AHNAK2: variants seen among roughly 807,000 people sequenced by gnomAD.
The protein encoded by AHNAK2 is protein AHNAK2.
In AHNAK2, 18 loss-of-function variants were observed where a neutral mutation model predicts 30.7. The observed-to-expected ratio is 0.59, with a 90% CI of 0.41 to 0.87. AHNAK2 has a LOEUF of 0.87. Among genes scored for constraint, AHNAK2 ranks in the 40% least tolerant of loss-of-function variants. AHNAK2 has a pLI of 0.00. For synonymous variants in AHNAK2, 3,590 were observed against 3,073.8 expected, an observed-to-expected ratio of 1.17 and a Z score of -5.56; for missense variants, 8,604 against 7,373.0, an observed-to-expected ratio of 1.17 and a Z score of -6.11.
rs199542803 is a variant in AHNAK2, at chr14:104,948,916, A to G, written c.6535T>C (p.Ser2179Pro). 662 of 1,592,392 alleles carry G rather than the reference A, an allele frequency of 4.2e-4. 26 individuals are homozygous for G. In the East Asian group the frequency reaches 4.3e-3, roughly 10 times the overall value. ...GKSIEASVDV[S>P]PPKVEADMSL... is the part of the protein sequence containing the mutation. ...ATGTCGGCCTCCACCTTGGGTGGAG[A>G]CACATCCACCGAGGCCTCGATGGAC... The change falls in exon 7 of 7, where the codon TCT (serine) becomes CCT (proline). Residue 2179 changes from serine (S) to proline (P), a missense_variant. By Grantham distance (74) the Ser-to-Pro change is moderately conservative (BLOSUM62 -1). Coordinates refer to ENST00000333244, the MANE Select transcript of AHNAK2 (RefSeq NM_138420.4).
chr14:104,946,413 C>T lies in AHNAK2; in HGVS notation c.9038G>A (p.Ser3013Asn). Reference sequence around the variant, plus strand: ...CAGGTCCCCCTGCATGGAGGGGAGGCTCACTTCGGCCTCCACCTTCGGCGC... The same window carrying T: ...CAGGTCCCCCTGCATGGAGGGGAGGTTCACTTCGGCCTCCACCTTCGGCGC... ...VSAPKVEAEV[S>N]LPSMQGDLKT... is the part of the protein sequence containing the mutation. The change falls in exon 7 of 7, where the codon AGC becomes AAC. Residue 3013 changes from serine (S) to asparagine (N), a missense_variant. By Grantham distance (46) the Ser-to-Asn change is conservative. Coordinates refer to ENST00000333244, the MANE Select transcript of AHNAK2 (RefSeq NM_138420.4). 6.2e-7 allele frequency: 1 copy of T among 1,612,774 alleles called. No homozygotes were observed. The highest frequency in any genetic ancestry group is 1.7e-5 in the Admixed American group (1 of 59,936).
chr14:104,937,951 T>G lies in AHNAK2; in HGVS notation c.*112A>C. ...CATTTCTGCTCTGTTCTCCGTTCTGTGAAGTGAGGTGGATGTAATGTGCTG... is the reference window on the plus strand; with the variant it reads ...CATTTCTGCTCTGTTCTCCGTTCTGGGAAGTGAGGTGGATGTAATGTGCTG... On this transcript the variant is annotated 3_prime_UTR_variant, in exon 7 of 7. Transcript: ENST00000333244. 8.7e-7 allele frequency: 1 copy of G among 1,154,154 alleles called. No homozygotes were observed. The highest frequency in any genetic ancestry group is 2.5e-5 in the Admixed American group (1 of 40,524). The allele number at this position is 1,154,154 out of a possible 1,614,324, so 71.5% of individuals were successfully genotyped here. A position where few individuals can be genotyped will look rare whatever the true frequency, so the allele number is the denominator to read the frequency against.
At chr14:104,955,193 C>A in intron 5 of AHNAK2, 52 bp from the exon 6 acceptor site, 1 of 1,553,008 alleles carries the variant, frequency 6.4e-7, no homozygotes, top group Non-Finnish European at 8.7e-7. Flanking sequence ...GAGACGGGGT[C>A]TGCTGTCTTG....
In AHNAK2 at chr14:104,949,180, C is replaced by T. The variant is rs546195859; in HGVS notation, c.6271G>A (p.Val2091Met). 9.8e-5 allele frequency: 104 copies of T among 1,066,434 alleles called. 39 individuals are homozygous for T. The highest frequency in any genetic ancestry group is 5.4e-4 in the Middle Eastern group (2 of 3,698). 66.1% of individuals were successfully genotyped at this position (1,066,434 alleles called of 1,614,324 possible). ...TCCAGTTTGGGGCCCTTGATGTCCA[C>T]CTGGGGGCCCTTGAGGTCCACTTTG... is the stretch of plus-strand genomic sequence containing the variant. ...MPKVDLKGPQVDIKGPKLDLK... is the reference protein window; with the variant it reads ...MPKVDLKGPQMDIKGPKLDLK... The change falls in exon 7 of 7, where the codon GTG (valine) becomes ATG (methionine). Residue 2091 changes from valine to methionine, a missense_variant. By Grantham distance (21) the Val-to-Met change is conservative. Transcript: ENST00000333244.
At position 104,938,291 on chromosome 14, in the gene AHNAK2, C is replaced by T; in HGVS notation, c.17160G>A (p.Glu5720=). ...KKSKSTEDGA[E]LEEQKLQEET... is the part of the protein sequence containing the mutation. ...CTTCTTGAAGTTTTTGTTCTTCCAG[C>T]TCTGCCCCATCTTCGGTGCTTTTGC... Residue 5720 remains glutamate (E), a synonymous_variant, in exon 7 of 7, where the codon GAG becomes GAA. Coordinates refer to ENST00000333244, the MANE Select transcript of AHNAK2 (RefSeq NM_138420.4). 1.9e-6 allele frequency: 3 copies of T among 1,613,958 alleles called. No homozygotes were observed. The highest frequency in any genetic ancestry group is 2.5e-6 in the Non-Finnish European group (3 of 1,179,900).
rs113224666 is a variant in AHNAK2, at chr14:104,945,422, G to A, written c.10029C>T (p.Ser3343=). Residue 3343 remains serine (S), a synonymous_variant, in exon 7 of 7, where the codon AGC becomes AGT. Transcript: ENST00000333244. The part of the protein sequence containing the change: ...VSAPKAEADV[S]LPSMQGDLKT... ...TGAGGTCCCCCTGCATGGAGGGGAG[G>A]CTCACGTCGGCCTCCGCCTTCGGCG... 2.0e-5 allele frequency: 32 copies of A among 1,613,242 alleles called. No individual in the cohort carries two copies. In the African/African-American group the frequency reaches 3.2e-4, roughly 16 times the overall value.
In AHNAK2 at chr14:104,942,953, G is replaced by T; in HGVS notation, c.12498C>A (p.Asp4166Glu). 1.9e-6 allele frequency: 3 copies of T among 1,613,216 alleles called. No homozygotes were observed. The highest frequency in any genetic ancestry group is 1.7e-6 in the Non-Finnish European group (2 of 1,179,648). ...CCCCCTGCATGGAGGGGAGGCTCAC[G>T]TCGGCTTTCGCCTTCAGCTCAGACA... is the stretch of plus-strand genomic sequence containing the variant. ...VDVSELKAKA[D>E]VSLPSMQGDL... is the part of the protein sequence containing the mutation. Residue 4166 changes from aspartate to glutamate, a missense_variant, in exon 7 of 7, where the codon GAC becomes GAA. Physicochemically the swap from Asp to Glu is conservative, Grantham distance 45. Transcript: ENST00000333244.
At position 104,954,577 on chromosome 14, in the gene AHNAK2, C is replaced by T; in HGVS notation, c.874G>A (p.Asp292Asn). ...SEAYEPRDAH[D>N]VSPTSTDTEA... ...GTGTCTGTGCTTGTAGGGGACACGT[C>T]ATGTGCGTCCCTAGGTTCGTAGGCC... The change falls in exon 7 of 7, where the codon GAC (aspartate) becomes AAC (asparagine). Residue 292 changes from aspartate to asparagine, a missense_variant. Physicochemically the swap from Asp to Asn is conservative, Grantham distance 23 (BLOSUM62 1). Coordinates refer to ENST00000333244, the MANE Select transcript of AHNAK2 (RefSeq NM_138420.4). The surrounding 1 kb of genome is among the most constrained non-coding windows in gnomAD (Gnocchi z 4.3). 1 of 1,609,048 alleles carries T rather than the reference C, an allele frequency of 6.2e-7. No individual in the cohort carries two copies. Among genetic ancestry groups the T allele is most frequent in the Non-Finnish European group, 8.5e-7 (1 of 1,177,668 alleles).
At chr14:104,959,140 G>T (rs1407501562) in intron 1 of AHNAK2, among the ~76,000 whole-genome samples, 1 of 152,122 alleles carries the variant, frequency 6.6e-6, no homozygotes, top group Non-Finnish European at 1.5e-5. Flanking sequence ...CTCAAGGCCA[G>T]CCTGAGCAAT....
chr14:104,950,906 TGA>T lies in AHNAK2; in HGVS notation c.4543_4544del (p.Val1516GlyfsTer24), dbSNP rs755269081. On this transcript the variant is annotated frameshift_variant, in exon 7 of 7. Transcript: ENST00000333244. LOFTEE classifies it low-confidence loss of function (END_TRUNC). ...CCACCTTCGGCGCAGACACATCCAC[TGA>T]GGCCTCGATGGACTTGCCTGGGGCA... is the stretch of plus-strand genomic sequence containing the variant. Reference protein sequence around the residue: ...VSAPGKSIEASVDVSAPKVEA... With the variant: ...VSAPGKSIEAXVDVSAPKVEA... 41 of 1,530,816 alleles carry T rather than the reference TGA, an allele frequency of 2.7e-5. 3 individuals are homozygous for T. The highest frequency in any genetic ancestry group is 3.5e-4 in the Middle Eastern group (2 of 5,782). 94.8% of individuals were successfully genotyped at this position (1,530,816 alleles called of 1,614,324 possible).
chr14:104,946,882 T>C lies in AHNAK2; in HGVS notation c.8569A>G (p.Lys2857Glu). Residue 2857 changes from lysine (K) to glutamate (E), a missense_variant, in exon 7 of 7, where the codon AAG becomes GAG. Transcript: ENST00000333244. The part of the protein sequence containing the change: ...GSFPSMQGDL[K>E]TTDIRIQPPS... ...GGCTGAATGCGGATGTCAGTGGTCT[T>C]AAGATCCCCTTGCATGGAGGGGAAG... 1.9e-6 allele frequency: 3 copies of C among 1,612,470 alleles called. No individual in the cohort carries two copies. Among genetic ancestry groups the C allele is most frequent in the Non-Finnish European group, 2.5e-6 (3 of 1,179,664 alleles).
chr14:104,957,814 G>T, intron 1 of AHNAK2, 142 bp from the exon 2 acceptor site: 1 of 828,562 alleles, frequency 1.2e-6, no homozygotes. Context: ...AAACTCAGGG[G>T]CTGGGGGAAG....
rs1898405436 is a variant in AHNAK2, at chr14:104,948,110, G to A, written c.7341C>T (p.Pro2447=). 19 of 1,612,518 alleles carry A rather than the reference G, an allele frequency of 1.2e-5. No individual in the cohort carries two copies. The highest frequency in any genetic ancestry group is 1.5e-5 in the Non-Finnish European group (18 of 1,179,644). Residue 2447 remains proline (P), a synonymous_variant, in exon 7 of 7, where the codon CCC becomes CCT. Coordinates refer to ENST00000333244, the MANE Select transcript of AHNAK2 (RefSeq NM_138420.4). The stretch of plus-strand genomic sequence containing the variant: ...GGGCCTCGACATCCACCTCCACGCT[G>A]GGCTGAGACACCTCCACGTCGGGGG... ...VMAPDVEVSQ[P]SVEVDVEAPG...
rs1898887193 is a variant in AHNAK2, at chr14:104,953,972, T to C, written c.1479A>G (p.Lys493=). The part of the protein sequence containing the change: ...RVRVHDLKTP[K]FAFSTEKEPE... The stretch of plus-strand genomic sequence containing the variant: ...GCTCTTTTTCTGTGGAAAATGCAAA[T>C]TTTGGTGTCTTTAAATCGTGTACTC... The change falls in exon 7 of 7, where the codon AAA becomes AAG. Residue 493 remains lysine (K), a synonymous_variant. Transcript: ENST00000333244. 1 of 1,613,780 alleles carries C rather than the reference T, an allele frequency of 6.2e-7. No individual in the cohort carries two copies. The highest frequency in any genetic ancestry group is 8.5e-7 in the Non-Finnish European group (1 of 1,179,880).
At position 104,947,526 on chromosome 14, in the gene AHNAK2, GT is replaced by G. The variant is rs1566907865; in HGVS notation, c.7924del (p.Thr2642GlnfsTer35). 6.2e-7 allele frequency: 1 copy of G among 1,612,522 alleles called. No homozygotes were observed. Among genetic ancestry groups the G allele is most frequent in the South Asian group, 1.1e-5 (1 of 91,014 alleles). On this transcript the variant is annotated frameshift_variant, in exon 7 of 7. Coordinates refer to ENST00000333244, the MANE Select transcript of AHNAK2 (RefSeq NM_138420.4). LOFTEE classifies it low-confidence loss of function (END_TRUNC). Reference sequence around the variant, plus strand: ...CATTTTGAACTTGCTATCTTTGGCTGTCACACCCTTGTCGGCCAGGGACAGG... The same window carrying G: ...CATTTTGAACTTGCTATCTTTGGCTGCACACCCTTGTCGGCCAGGGACAGG... Reference protein sequence around the residue: ...GDLSLADKGVTAKDSKFKMPK... With the variant: ...GDLSLADKGVXAKDSKFKMPK...
At position 104,947,180 on chromosome 14, in the gene AHNAK2, G is replaced by A. The variant is rs566174043; in HGVS notation, c.8271C>T (p.Asn2757=). The stretch of plus-strand genomic sequence containing the variant: ...CCGCCTTGGGGCCTTTCAGGTCCAC[G>A]TTGGGGCCCTTAACATCTATCTGGG... ...KGPQIDVKGP[N]VDLKGPKAEV... is the part of the protein sequence containing the mutation. The change falls in exon 7 of 7, where the codon AAC becomes AAT. Residue 2757 remains asparagine, a synonymous_variant. Transcript: ENST00000333244. 9 of 1,611,036 alleles carry A rather than the reference G, an allele frequency of 5.6e-6. No individual in the cohort carries two copies. Among genetic ancestry groups the A allele is most frequent in the Admixed American group, 3.3e-5 (2 of 59,734 alleles).
In AHNAK2 at chr14:104,956,588, C is replaced by T; in HGVS notation, c.315G>A (p.Glu105=). The change falls in exon 4 of 7, where the codon GAG becomes GAA. Residue 105 remains glutamate, a splice_region_variant and synonymous_variant. Transcript: ENST00000333244. ...GACCCTCAGCTCCTGCTGTACCCAC[C>T]TCTGGACGACTCATCCTGAAAAATG... ...SRTFFRMSRP[E]AVQEATEVTL... 1 of 1,613,848 alleles carries T rather than the reference C, an allele frequency of 6.2e-7. No individual in the cohort carries two copies. Among genetic ancestry groups the T allele is most frequent in the Non-Finnish European group, 8.5e-7 (1 of 1,179,844 alleles).
At position 104,952,518 on chromosome 14, in the gene AHNAK2, G is replaced by C; in HGVS notation, c.2933C>G (p.Ala978Gly). ...CAGGGACAGGTCCCCCTCCAGCCACGCACCATCCAGCTTGGCCTTCTGGGC... is the reference window on the plus strand; with the variant it reads ...CAGGGACAGGTCCCCCTCCAGCCACCCACCATCCAGCTTGGCCTTCTGGGC... ...VQAQKAKLDG[A>G]WLEGDLSLAD... is the part of the protein sequence containing the mutation. The change falls in exon 7 of 7, where the codon GCG becomes GGG. Residue 978 changes from alanine (A) to glycine (G), a missense_variant. Physicochemically the swap from Ala to Gly is moderately conservative, Grantham distance 60. Transcript: ENST00000333244. The C allele has an allele frequency of 1.9e-6, 3 of 1,612,778 alleles. No individual in the cohort carries two copies. Among genetic ancestry groups the C allele is most frequent in the Middle Eastern group, 1.7e-4 (1 of 6,056 alleles).
At position 104,950,861 on chromosome 14, in the gene AHNAK2, G is replaced by A. The variant is rs187764706; in HGVS notation, c.4590C>T (p.Pro1530=). 1,750 of 1,583,984 alleles carry A rather than the reference G, an allele frequency of 1.1e-3. 151 individuals are homozygous for A. Among genetic ancestry groups the A allele is most frequent in the South Asian group, 6.4e-3 (573 of 89,596 alleles). Residue 1530 remains proline, a synonymous_variant, in exon 7 of 7, where the codon CCC becomes CCT. Transcript: ENST00000333244. ...TGGCCTTGAGGTCCCCCTGCATGGA[G>A]GGGAGGCTCACGTCGGCCTCCACCT... The part of the protein sequence containing the change: ...APKVEADVSL[P]SMQGDLKATD...
Sources: gnomAD v4.1 joint callset for allele counts (sites outside exome capture counted in the v4.1 genomes callset) on GRCh38, gnomAD v4.1.1 for gene constraint, Gnocchi (gnomAD v3.1) non-coding constraint, MANE v1.5 for transcripts, NCBI Gene and HGNC (gene_info 2026-07-23, HGNC 2026-07-21) for gene names.